PACRG: variants seen among roughly 807,000 people sequenced by gnomAD.
PACRG encodes the protein parkin coregulated gene protein.
In PACRG, 29 loss-of-function variants were observed where a neutral mutation model predicts 29.7. That is an observed-to-expected ratio of 0.98 (90% CI 0.73 to 1.33). The LOEUF (loss-of-function observed/expected upper bound fraction) is 1.33, where lower values mean the gene tolerates loss of function less well. Among genes scored for constraint, PACRG ranks in the 40% most tolerant of loss-of-function variants. The pLI, the probability that PACRG is intolerant of heterozygous loss-of-function variation, is 0.00. For synonymous variants in PACRG, 116 were observed against 118.7 expected (o/e 0.98, Z 0.15); for missense variants, 279 against 316.2 (o/e 0.88, Z 0.89).
At chr6:162,742,194 C>T (rs1386376275) in intron 1 of PACRG, among the ~76,000 whole-genome samples, 1 of 152,104 alleles carries the variant, frequency 6.6e-6, no homozygotes, top group East Asian at 1.9e-4. Flanking sequence ...TTCCATAATT[C>T]TCACATGTTG....
chr6:162,849,470 C>G (rs1790682883), intron 2 of PACRG, among the ~76,000 whole-genome samples: 1 of 152,172 alleles, frequency 6.6e-6, no homozygotes, highest in Non-Finnish European at 1.5e-5. Flanking sequence ...AGCAGGCTGA[C>G]CAATTGCCAA....
chr6:163,020,790 G>A (rs1422448235), intron 2 of PACRG, among the ~76,000 whole-genome samples: 1 of 152,012 alleles, frequency 6.6e-6, no homozygotes, highest in Non-Finnish European at 1.5e-5. Flanking sequence ...TGTTATAACT[G>A]TTCTAAAAAT....
At chr6:163,233,182 T>A (rs1431312651) in intron 4 of PACRG, among the ~76,000 whole-genome samples, 1 of 152,256 alleles carries the variant, frequency 6.6e-6, no homozygotes, top group Non-Finnish European at 1.5e-5. Flanking sequence ...CTGCTCACTA[T>A]CCTTTGTATT....
At position 162,946,912 on chromosome 6, in the gene PACRG, G is replaced by A. The variant is rs184940850; in HGVS notation, c.292-115238G>A. ...CTCAATAGATGTAGAAGAAGCATTG[G>A]ATAAAATTCAACAACTTTTTATGTT... On this transcript the variant is annotated intron_variant, in intron 2 of 4. Coordinates refer to ENST00000366888, the MANE Select transcript of PACRG (RefSeq NM_001080379.2). 2.6e-5 allele frequency among the ~76,000 whole-genome samples: 4 copies of A among 152,160 alleles called. No individual in the cohort carries two copies. In the East Asian group the frequency reaches 7.7e-4, roughly 29 times the overall value.
In PACRG at chr6:163,158,998, T is replaced by A. The variant is rs568705672; in HGVS notation, c.613+69590T>A. Among the ~76,000 whole-genome samples the A allele has an allele frequency of 2.9e-4, 44 of 152,310 alleles. 1 individual carries two copies. In the South Asian group the frequency reaches 8.7e-3, roughly 30 times the overall value. ...TATCATGTTGCTTGGAGGTAGAACA[T>A]GCCTTTAAGAATAAGCTGCTTTGAA... On this transcript the variant is annotated intron_variant, in intron 4 of 4. Transcript: ENST00000366888.
intron 3 of PACRG, among the ~76,000 whole-genome samples, chr6:163,085,439 G>C (rs1813468902): frequency 6.6e-6 from 1 of 152,160 alleles, no homozygotes. Context: ...GGATTCTTGA[G>C]CTTGGGAAAA....
At chr6:163,151,674 C>G (rs1272155095) in intron 4 of PACRG, among the ~76,000 whole-genome samples, 2 of 152,142 alleles carry the variant, frequency 1.3e-5, no homozygotes, top group African/African-American at 4.8e-5. Context: ...AGCATGAATT[C>G]AGCCACATAA....
In PACRG at chr6:163,273,181, C is replaced by T. The variant is rs1403615652; in HGVS notation, c.614-41646C>T. Among the ~76,000 whole-genome samples the T allele has an allele frequency of 2.7e-5, 4 of 146,778 alleles. 1 individual carries two copies. The highest frequency in any genetic ancestry group is 1.3e-4 in the Admixed American group (2 of 15,090). On this transcript the variant is annotated intron_variant, in intron 4 of 4. Transcript: ENST00000366888. ...GTGCTGGGATTACAGGCGTGAGCCA[C>T]CGCGCCCGGCCTGCATCATTCTTTT... is the stretch of plus-strand genomic sequence containing the variant.
chr6:162,892,998 C>A, intron 2 of PACRG, among the ~76,000 whole-genome samples: 1 of 150,986 alleles, frequency 6.6e-6, no homozygotes, highest in African/African-American at 2.4e-5. Context: ...AGAAGAACCA[C>A]CTCAGCCTCA....
At chr6:162,904,397 A>G (rs1253483014) in intron 2 of PACRG, among the ~76,000 whole-genome samples, 1 of 152,194 alleles carries the variant, frequency 6.6e-6, no homozygotes, top group African/African-American at 2.4e-5. Context: ...AAGTCGGGGA[A>G]CAGCCCCTGC....
At chr6:163,042,297 G>C (rs888952720) in intron 2 of PACRG, among the ~76,000 whole-genome samples, 2 of 152,180 alleles carry the variant, frequency 1.3e-5, no homozygotes, top group Non-Finnish European at 2.9e-5. Flanking sequence ...TAGAAATTTA[G>C]AGCTGGAAAG....
intron 2 of PACRG, among the ~76,000 whole-genome samples, chr6:162,987,845 C>T (rs1803039963): frequency 6.6e-6 from 1 of 152,176 alleles, no homozygotes; most frequent in Non-Finnish European, 1.5e-5. Flanking sequence ...GCTGATTATG[C>T]TAGCAGTGAA....
At chr6:163,225,742 T>C (rs1781766068) in intron 4 of PACRG, among the ~76,000 whole-genome samples, 1 of 152,226 alleles carries the variant, frequency 6.6e-6, no homozygotes, top group African/African-American at 2.4e-5. Context: ...ATCAGTATGT[T>C]GAAGAGATAC....
chr6:163,130,016 C>T (rs1816670370), intron 4 of PACRG, among the ~76,000 whole-genome samples: 1 of 152,092 alleles, frequency 6.6e-6, no homozygotes, highest in Non-Finnish European at 1.5e-5. Context: ...AAAAGTGTAC[C>T]TCATGTGTCT....
chr6:163,100,729 C>T (rs1016446535), intron 4 of PACRG: 2 of 934,388 alleles, frequency 2.1e-6, no homozygotes, highest in Non-Finnish European at 2.6e-6. Flanking sequence ...ATTTTATTGC[C>T]TTTCTTAAAA....
chr6:163,195,833 G>A (rs1171539106), intron 4 of PACRG, among the ~76,000 whole-genome samples: 1 of 152,116 alleles, frequency 6.6e-6, no homozygotes, highest in African/African-American at 2.4e-5. Context: ...TTCCTCCTGC[G>A]CCCCTTCCCG....
intron 4 of PACRG, among the ~76,000 whole-genome samples, chr6:163,090,881 C>T (rs551193397): frequency 6.6e-6 from 1 of 152,342 alleles, no homozygotes; most frequent in African/African-American, 2.4e-5. Context: ...GTGTGCGATT[C>T]ACTAATATTT....
At chr6:163,305,790 T>C (rs548789660) in intron 4 of PACRG, among the ~76,000 whole-genome samples, 1 of 152,240 alleles carries the variant, frequency 6.6e-6, no homozygotes, top group Non-Finnish European at 1.5e-5. Context: ...TTTTTTATCA[T>C]AGCAATTGAC....
chr6:163,194,771 C>T (rs1585321301), intron 4 of PACRG, among the ~76,000 whole-genome samples: 1 of 152,272 alleles, frequency 6.6e-6, no homozygotes, highest in East Asian at 1.9e-4. Context: ...AACATGCAGG[C>T]CTACTGGGCC....
Sources: allele counts gnomAD v4.1 joint callset (sites outside exome capture counted in the v4.1 genomes callset), GRCh38; gene constraint gnomAD v4.1.1; transcripts MANE v1.5; gene names NCBI Gene and HGNC (gene_info 2026-07-23, HGNC 2026-07-21).